LRRC1: variants seen among roughly 807,000 people sequenced by gnomAD.
LRRC1 encodes leucine-rich repeat-containing protein 1.
In LRRC1, 28 loss-of-function variants were observed where a neutral mutation model predicts 69.9. That is an observed-to-expected ratio of 0.40 (90% CI 0.30 to 0.55). The LOEUF (loss-of-function observed/expected upper bound fraction) is 0.55, where lower values mean the gene tolerates loss of function less well. Ranked by LOEUF, LRRC1 falls within the 20% of genes least tolerant of loss-of-function variation. The probability of loss-of-function intolerance (pLI) is 0.47; values close to 1 mark genes in which losing one functional copy is unlikely to be tolerated. For missense variants in LRRC1, 498 were observed against 609.0 expected (o/e 0.82, Z 1.92); for synonymous variants, 236 against 240.2 (o/e 0.98, Z 0.16).
At chr6:53,879,723 A>G (rs1767214626) in intron 3 of LRRC1, among the ~76,000 whole-genome samples, 1 of 151,708 alleles carries the variant, frequency 6.6e-6, no homozygotes, top group Admixed American at 6.6e-5. Context: ...CCCTGCAAGT[A>G]AAGCCACCGT....
Position 53,872,754 on chromosome 6 carries a change from T to C in LRRC1, c.278-6239T>C, listed in dbSNP as rs1041399529. Among the ~76,000 whole-genome samples the C allele has an allele frequency of 9.3e-5, 13 of 140,456 alleles. 1 individual carries two copies. The highest frequency in any genetic ancestry group is 4.0e-4 in the East Asian group (2 of 5,010). 92.1% of individuals were successfully genotyped at this position (140,456 alleles called of 152,430 possible). A position where few individuals can be genotyped will look rare whatever the true frequency, so the allele number is the denominator to read the frequency against. ...CACTTTTAACAATTTTCTTTTCTCT[T>C]TTTTTTTTTTTTTTTTTTTGGAGAC... On this transcript the variant is annotated intron_variant, in intron 2 of 13. Coordinates refer to ENST00000370888, the MANE Select transcript of LRRC1 (RefSeq NM_018214.5).
intron 10 of LRRC1, among the ~76,000 whole-genome samples, chr6:53,910,002 C>T (rs1768360301): frequency 6.6e-6 from 1 of 152,130 alleles, no homozygotes; most frequent in African/African-American, 2.4e-5. Context: ...ATGATCTCCT[C>T]CTTGGGTGAG....
intron 11 of LRRC1, 58 bp downstream of exon 11, chr6:53,914,027 T>C: frequency 8.5e-7 from 1 of 1,178,538 alleles, no homozygotes; most frequent in Non-Finnish European, 1.2e-6. Flanking sequence ...CATCCCAATC[T>C]TGGCAGTGCA....
intron 1 of LRRC1, among the ~76,000 whole-genome samples, chr6:53,810,648 A>G (rs1285834271): frequency 6.6e-6 from 1 of 152,136 alleles, no homozygotes; most frequent in African/African-American, 2.4e-5. Context: ...ACACGTAGAC[A>G]TTTTCCCTAG....
intron 7 of LRRC1, 54 bp downstream of exon 7, chr6:53,897,413 T>A: frequency 7.9e-7 from 1 of 1,259,516 alleles, no homozygotes; most frequent in Admixed American, 1.9e-5. Context: ...AACAATAAGC[T>A]TTGTGTATTT....
chr6:53,919,999 A>T (rs1768689343), intron 12 of LRRC1, among the ~76,000 whole-genome samples: 1 of 152,278 alleles, frequency 6.6e-6, no homozygotes, highest in African/African-American at 2.4e-5. Flanking sequence ...GATTAGTATT[A>T]ACACCACTGG....
intron 1 of LRRC1, among the ~76,000 whole-genome samples, chr6:53,839,505 G>A (rs1319276150): frequency 1.3e-5 from 2 of 152,170 alleles, no homozygotes; most frequent in Non-Finnish European, 2.9e-5. Context: ...GTGAAAAACA[G>A]CAGCCTCTTG....
chr6:53,806,014 C>T (rs1038094506), intron 1 of LRRC1, among the ~76,000 whole-genome samples: 1 of 152,158 alleles, frequency 6.6e-6, no homozygotes, highest in African/African-American at 2.4e-5. Flanking sequence ...GCTTCTTAGT[C>T]TTCGTTTTTT....
chr6:53,879,892 A>T (rs1377568036), intron 3 of LRRC1, among the ~76,000 whole-genome samples: 1 of 152,154 alleles, frequency 6.6e-6, no homozygotes, highest in African/African-American at 2.4e-5. Flanking sequence ...TTACTAGGAT[A>T]ACTGAATTGT....
At chr6:53,902,140 T>C (rs1768078502) in intron 8 of LRRC1, among the ~76,000 whole-genome samples, 1 of 152,208 alleles carries the variant, frequency 6.6e-6, no homozygotes, top group African/African-American at 2.4e-5. Context: ...CTGAGTGAAA[T>C]AGACTCCATC....
intron 6 of LRRC1, 148 bp downstream of exon 6, chr6:53,897,040 G>A: frequency 3.1e-6 from 2 of 653,198 alleles, no homozygotes; most frequent in Non-Finnish European, 5.4e-6. Flanking sequence ...TTTCACACAA[G>A]TTAGGAATTA....
chr6:53,855,501 T>C (rs1473623427), intron 2 of LRRC1, among the ~76,000 whole-genome samples: 1 of 152,108 alleles, frequency 6.6e-6, no homozygotes, highest in Non-Finnish European at 1.5e-5. Flanking sequence ...GACTGAAGTC[T>C]CTCTGCAGAG....
chr6:53,913,162 C>T (rs1768465136), intron 10 of LRRC1, among the ~76,000 whole-genome samples: 1 of 142,766 alleles, frequency 7.0e-6, no homozygotes, highest in Non-Finnish European at 1.6e-5. Context: ...GATTTGTGTG[C>T]TTTTATGAGC....
chr6:53,818,591 G>A (rs1427213722), intron 1 of LRRC1, among the ~76,000 whole-genome samples: 1 of 152,182 alleles, frequency 6.6e-6, no homozygotes, highest in Non-Finnish European at 1.5e-5. Context: ...GATTGTATGA[G>A]ATTCTGTTTT....
chr6:53,795,584 C>A (rs1476431305), intron 1 of LRRC1, among the ~76,000 whole-genome samples, 169 bp downstream of exon 1: 1 of 152,214 alleles, frequency 6.6e-6, no homozygotes, highest in African/African-American at 2.4e-5. Flanking sequence ...CCATCCTTTC[C>A]CAGTAAAAGT....
chr6:53,800,494 T>G (rs1764448401), intron 1 of LRRC1, among the ~76,000 whole-genome samples: 1 of 151,760 alleles, frequency 6.6e-6, no homozygotes, highest in Non-Finnish European at 1.5e-5. Context: ...TCAAGTGATC[T>G]GCCTGCCTCC....
At chr6:53,894,999 G>T (rs1430145569) in intron 4 of LRRC1, among the ~76,000 whole-genome samples, 1 of 150,736 alleles carries the variant, frequency 6.6e-6, no homozygotes, top group Non-Finnish European at 1.5e-5. Context: ...CTCACTGCAA[G>T]CTCCGCCTTC....
chr6:53,842,153 A>G lies in LRRC1; in HGVS notation c.203A>G (p.Asp68Gly), dbSNP rs989558985. The G allele has an allele frequency of 6.2e-7, 1 of 1,613,982 alleles. No individual in the cohort carries two copies. Residue 68 changes from aspartate (D) to glycine (G), a missense_variant, in exon 2 of 14, where the codon GAT becomes GGT. Asp to Gly is a moderately conservative substitution (Grantham distance 94, BLOSUM62 -1). Coordinates refer to ENST00000370888, the MANE Select transcript of LRRC1 (RefSeq NM_018214.5). The part of the protein sequence containing the change: ...LVKLRKLGLS[D>G]NEIQRLPPEI... The stretch of plus-strand genomic sequence containing the variant: ...AAATTACGAAAGCTTGGACTTAGTG[A>G]TAATGAAATTCAGCGGCTCCCTCCA...
At chr6:53,810,466 A>G (rs2127405336) in intron 1 of LRRC1, among the ~76,000 whole-genome samples, 1 of 152,096 alleles carries the variant, frequency 6.6e-6, no homozygotes, top group South Asian at 2.1e-4. Flanking sequence ...TAAAAATACA[A>G]AAAATTAGCC....
Sources: gnomAD v4.1 joint callset for allele counts (sites outside exome capture counted in the v4.1 genomes callset) on GRCh38, gnomAD v4.1.1 for gene constraint, MANE v1.5 for transcripts, NCBI Gene and HGNC (gene_info 2026-07-23, HGNC 2026-07-21) for gene names.